Variants in CRYBG3 observed in about 807,000 individuals in gnomAD.
CRYBG3 encodes the protein crystallin beta-gamma domain containing 3.
Under a neutral mutation model 244.2 loss-of-function variants are expected in CRYBG3, and 127 were observed. The observed-to-expected ratio is 0.52, with a 90% CI of 0.45 to 0.60. CRYBG3 has a LOEUF of 0.60. Ranked by LOEUF, CRYBG3 falls within the 20% of genes least tolerant of loss-of-function variation. The pLI is 0.00. For missense variants in CRYBG3, 3,325 were observed against 3,442.5 expected, an observed-to-expected ratio of 0.97 and a Z score of 0.85; for synonymous variants, 1,132 against 1,195.8, an observed-to-expected ratio of 0.95 and a Z score of 1.10.
At chr3:97,824,926 G>A (rs1462422182) in intron 1 of CRYBG3, among the ~76,000 whole-genome samples, 1 of 152,208 alleles carries the variant, frequency 6.6e-6, no homozygotes, top group Non-Finnish European at 1.5e-5. Context: ...CTCATTAGAA[G>A]TGATAGGGGA....
rs538264400 is a variant in CRYBG3 at position 97,829,793 on chromosome 3, G to T, written c.149+7438G>T. Reference sequence around the variant, plus strand: ...TGCCTCAAAGCATGCATGCAGTTTTGTGGGGAAGGCAGACATTGCCCAAAT... The same window carrying T: ...TGCCTCAAAGCATGCATGCAGTTTTTTGGGGAAGGCAGACATTGCCCAAAT... On this transcript the variant is annotated intron_variant, in intron 1 of 21. Coordinates refer to ENST00000389622, the MANE Select transcript of CRYBG3 (RefSeq NM_153605.4). Among the ~76,000 whole-genome samples the T allele has an allele frequency of 8.9e-4, 136 of 152,296 alleles. 1 individual carries two copies. The highest frequency in any genetic ancestry group is 6.2e-3 in the South Asian group (30 of 4,824).
intron 7 of CRYBG3, among the ~76,000 whole-genome samples, chr3:97,883,538 A>C (rs2039474480): frequency 6.6e-6 from 1 of 152,230 alleles, no homozygotes; most frequent in Non-Finnish European, 1.5e-5. Context: ...GTGAGCATAG[A>C]TATTTGAATG....
chr3:97,900,939 T>C (rs765026932), intron 15 of CRYBG3, among the ~76,000 whole-genome samples: 1 of 152,248 alleles, frequency 6.6e-6, no homozygotes, highest in Non-Finnish European at 1.5e-5. Context: ...TCATTTCTAC[T>C]GTATTAATAG....
chr3:97,910,055 T>A (rs913883910), intron 15 of CRYBG3, among the ~76,000 whole-genome samples: 18 of 151,754 alleles, frequency 1.2e-4, no homozygotes, highest in African/African-American at 3.7e-4. Flanking sequence ...CCAGTTAGGC[T>A]GCTCAGGGGT....
intron 1 of CRYBG3, among the ~76,000 whole-genome samples, chr3:97,840,245 A>T (rs758663798): frequency 1.6e-4 from 25 of 152,100 alleles, no homozygotes; most frequent in Non-Finnish European, 2.9e-4. Context: ...TTAGGGCATG[A>T]ATAATGTTAT....
At chr3:97,849,698 C>T (rs758001136) in intron 2 of CRYBG3, among the ~76,000 whole-genome samples, 2 of 152,118 alleles carry the variant, frequency 1.3e-5, no homozygotes, top group Admixed American at 6.6e-5. Flanking sequence ...AAAATGGAAA[C>T]TGAATATGAA....
chr3:97,880,392 T>C (rs1411934887), intron 6 of CRYBG3, among the ~76,000 whole-genome samples: 1 of 152,218 alleles, frequency 6.6e-6, no homozygotes, highest in Non-Finnish European at 1.5e-5. Flanking sequence ...TTTGGCAAGT[T>C]TGGGTGAATG....
chr3:97,888,172 A>G lies in CRYBG3; in HGVS notation c.7290-169A>G, dbSNP rs140043363. ...TGGATAATGTGTGAATGTAAATAAC[A>G]TGGTAACTATTATCGTTATATAATG... On this transcript the variant is annotated intron_variant, in intron 8 of 21. Transcript: ENST00000389622. 5.9e-5 allele frequency among the ~76,000 whole-genome samples: 9 copies of G among 152,340 alleles called. 1 individual carries two copies. The highest frequency in any genetic ancestry group is 2.2e-4 in the African/African-American group (9 of 41,592).
chr3:97,861,482 C>G (rs1291735164), intron 2 of CRYBG3, among the ~76,000 whole-genome samples: 2 of 152,036 alleles, frequency 1.3e-5, no homozygotes, highest in Non-Finnish European at 2.9e-5. Context: ...CGTTGGGCCC[C>G]AACATAGCAA....
intron 3 of CRYBG3, among the ~76,000 whole-genome samples, chr3:97,868,929 T>A (rs148955022): frequency 6.6e-6 from 1 of 152,284 alleles, no homozygotes; most frequent in Admixed American, 6.5e-5. Context: ...TTCTTCAGAA[T>A]TACTTCTGTG....
intron 15 of CRYBG3, among the ~76,000 whole-genome samples, chr3:97,905,103 G>A (rs1334804400): frequency 9.9e-5 from 15 of 152,056 alleles, no homozygotes; most frequent in South Asian, 4.1e-4. Context: ...ATAGTATTCC[G>A]TGGTATATAT....
At chr3:97,892,321 C>T (rs1030172809) in intron 10 of CRYBG3, among the ~76,000 whole-genome samples, 1 of 152,076 alleles carries the variant, frequency 6.6e-6, no homozygotes, top group Non-Finnish European at 1.5e-5. Context: ...ATCATCAGTC[C>T]TTTTCAATTA....
intron 3 of CRYBG3, among the ~76,000 whole-genome samples, chr3:97,869,210 A>G (rs1389097191): frequency 6.6e-6 from 1 of 151,788 alleles, no homozygotes; most frequent in East Asian, 1.9e-4. Flanking sequence ...TTATTTTTAT[A>G]TTCGCCATTC....
At position 97,868,937 on chromosome 3, in the gene CRYBG3, G is replaced by A. The variant is rs1576533299; in HGVS notation, c.648-2905G>A. Among the ~76,000 whole-genome samples, 4 of 151,528 alleles carry A rather than the reference G, an allele frequency of 2.6e-5. No homozygotes were observed. The South Asian group carries it at 8.3e-4, about 32-fold the overall frequency. ...TATTGATTTCTTCAGAATTACTTCT[G>A]TGATCTTTTGCAAAAAGAAACATTG... On this transcript the variant is annotated intron_variant, in intron 3 of 21. Coordinates refer to ENST00000389622, the MANE Select transcript of CRYBG3 (RefSeq NM_153605.4).
rs1237222113 is a variant in CRYBG3, at chr3:97,871,870, T to C, written c.676T>C (p.Ser226Pro). The stretch of plus-strand genomic sequence containing the variant: ...AATCGATGGTAAACCAGAGAAGCCT[T>C]CAGTAACATATGCAACATATCGAGG... ...KQIDGKPEKP[S>P]VTYATYRGPR... is the part of the protein sequence containing the mutation. Residue 226 changes from serine to proline, a missense_variant, in exon 4 of 22, where the codon TCA becomes CCA. Coordinates refer to ENST00000389622, the MANE Select transcript of CRYBG3 (RefSeq NM_153605.4). 1 of 1,513,912 alleles carries C rather than the reference T, an allele frequency of 6.6e-7. No individual in the cohort carries two copies. The highest frequency in any genetic ancestry group is 8.8e-7 in the Non-Finnish European group (1 of 1,140,476). The allele number at this position is 1,513,912 out of a possible 1,614,324, so 93.8% of individuals were successfully genotyped here.
At chr3:97,880,246 T>A (rs1327782872) in intron 6 of CRYBG3, 146 bp downstream of exon 6, 1 of 562,160 alleles carries the variant, frequency 1.8e-6, no homozygotes, top group East Asian at 2.9e-5. Flanking sequence ...TTATTATTAG[T>A]GTGTTATAAC....
chr3:97,849,164 T>A (rs2038947761), intron 2 of CRYBG3, among the ~76,000 whole-genome samples: 1 of 152,196 alleles, frequency 6.6e-6, no homozygotes. Flanking sequence ...GTTTTAGAAT[T>A]AACTAAGATA....
At chr3:97,855,023 C>G (rs990853506) in intron 2 of CRYBG3, among the ~76,000 whole-genome samples, 4 of 151,962 alleles carry the variant, frequency 2.6e-5, no homozygotes, top group Non-Finnish European at 4.4e-5. Context: ...GAGGTACATT[C>G]CTTATATACC....
At chr3:97,906,507 A>G (rs1211244987) in intron 15 of CRYBG3, among the ~76,000 whole-genome samples, 2 of 140,000 alleles carry the variant, frequency 1.4e-5, no homozygotes, top group Non-Finnish European at 1.5e-5. Context: ...CTTTGAAGCA[A>G]TTGTGAATGG....
Sources: allele counts gnomAD v4.1 joint callset (sites outside exome capture counted in the v4.1 genomes callset), GRCh38; gene constraint gnomAD v4.1.1; transcripts MANE v1.5; gene names NCBI Gene and HGNC (gene_info 2026-07-23, HGNC 2026-07-21).